The following CSMD1 variants were observed in gnomAD, a reference collection of about 807,000 sequenced individuals.
CSMD1 encodes CUB and sushi domain-containing protein 1.
In CSMD1, 213 loss-of-function variants were observed where a neutral mutation model predicts 417.5. The ratio of observed to expected loss-of-function variants is 0.51; its 90% CI spans 0.46 to 0.57. CSMD1 has a LOEUF of 0.57. CSMD1 is among the 20% of genes least tolerant of loss of function. CSMD1 has a pLI of 0.00. For missense variants in CSMD1, 6,923 were observed against 4,529.7 expected, an observed-to-expected ratio of 1.53 and a Z score of -15.17; for synonymous variants, 2,862 against 1,736.8, an observed-to-expected ratio of 1.65 and a Z score of -16.11.
At chr8:4,011,716 T>C (rs1816551214) in intron 4 of CSMD1, among the ~76,000 whole-genome samples, 2 of 152,166 alleles carry the variant, frequency 1.3e-5, no homozygotes, top group South Asian at 4.1e-4. Flanking sequence ...TGCAAAATAG[T>C]ACGGAGTTAT....
At chr8:4,986,775 T>C (rs2117457711) in intron 1 of CSMD1, among the ~76,000 whole-genome samples, 1 of 152,210 alleles carries the variant, frequency 6.6e-6, no homozygotes, top group South Asian at 2.1e-4. Flanking sequence ...ATAGAGGCAC[T>C]GATGATAAAG....
intron 3 of CSMD1, among the ~76,000 whole-genome samples, chr8:4,197,501 T>G (rs958391323): frequency 6.6e-6 from 1 of 152,218 alleles, no homozygotes; most frequent in Non-Finnish European, 1.5e-5. Context: ...ACTGACTCTC[T>G]GTCAAGTAAG....
chr8:3,355,353 A>G (rs1012223327), intron 21 of CSMD1, among the ~76,000 whole-genome samples: 2 of 152,186 alleles, frequency 1.3e-5, no homozygotes, highest in Non-Finnish European at 2.9e-5. Context: ...ATTTATCTCC[A>G]TCATATATAC....
intron 2 of CSMD1, among the ~76,000 whole-genome samples, chr8:4,509,678 C>T (rs1003473437): frequency 3.3e-5 from 5 of 152,172 alleles, no homozygotes; most frequent in South Asian, 4.1e-4. Flanking sequence ...ATAATAATCA[C>T]AGTCATGCTG....
intron 3 of CSMD1, among the ~76,000 whole-genome samples, chr8:4,284,870 G>T (rs1266768976): frequency 2.0e-5 from 3 of 152,084 alleles, no homozygotes; most frequent in African/African-American, 7.2e-5. Flanking sequence ...AAAAAAACTA[G>T]TTTAAAAAAC....
At chr8:3,199,281 G>C (rs1181549398) in intron 33 of CSMD1, among the ~76,000 whole-genome samples, 1 of 152,060 alleles carries the variant, frequency 6.6e-6, no homozygotes, top group African/African-American at 2.4e-5. Flanking sequence ...GTTTTGTTTT[G>C]TTAAATTTCC....
At chr8:4,454,191 G>T (rs1300599403) in intron 2 of CSMD1, among the ~76,000 whole-genome samples, 2 of 151,934 alleles carry the variant, frequency 1.3e-5, no homozygotes, top group Non-Finnish European at 2.9e-5. Flanking sequence ...ACCCCATTCT[G>T]CATTAAAACT....
intron 1 of CSMD1, among the ~76,000 whole-genome samples, chr8:4,738,105 A>G (rs1319130237): frequency 6.6e-6 from 1 of 152,216 alleles, no homozygotes; most frequent in African/African-American, 2.4e-5. Context: ...GACAACAGTA[A>G]AGACACACAC....
rs1220592456 is a variant in CSMD1 at position 4,920,216 on chromosome 8, T to C, written c.85+74116A>G. Among the ~76,000 whole-genome samples, 4 of 152,228 alleles carry C rather than the reference T, an allele frequency of 2.6e-5. No homozygotes were observed. In the East Asian group the frequency reaches 7.7e-4, roughly 29 times the overall value. ...TGCTAATGAACCAAACAGGACAGGA[T>C]CTTCACCCCCAAATCTACTCAGACT... On this transcript the variant is annotated intron_variant, in intron 1 of 69. Transcript: ENST00000635120.
At chr8:4,960,933 G>A (rs1809434095) in intron 1 of CSMD1, among the ~76,000 whole-genome samples, 1 of 152,078 alleles carries the variant, frequency 6.6e-6, no homozygotes, top group South Asian at 2.1e-4. Context: ...TGTTACTTCT[G>A]ATTTCACTGC....
intron 3 of CSMD1, among the ~76,000 whole-genome samples, chr8:4,261,099 G>T (rs960468798): frequency 7.9e-5 from 12 of 152,078 alleles, no homozygotes; most frequent in Non-Finnish European, 1.3e-4. Context: ...ATTTTTCTAT[G>T]TGTCATTTAC....
chr8:3,473,530 A>G (rs1817228557), intron 11 of CSMD1, among the ~76,000 whole-genome samples: 1 of 152,184 alleles, frequency 6.6e-6, no homozygotes, highest in Admixed American at 6.5e-5. Context: ...TAACACTGAG[A>G]TATTATTTCT....
In CSMD1 at chr8:3,631,483, G is replaced by T. The variant is rs1041073355; in HGVS notation, c.1010-14686C>A. Among the ~76,000 whole-genome samples, 9 of 152,188 alleles carry T rather than the reference G, an allele frequency of 5.9e-5. No individual in the cohort carries two copies. In the South Asian group the frequency reaches 1.9e-3, roughly 32 times the overall value. ...CAGATAAAACAACACAGAGGCTGAG[G>T]AGCAGGCAGATAGGCCGGGAATAGC... On this transcript the variant is annotated intron_variant, in intron 7 of 69. Coordinates refer to ENST00000635120, the MANE Select transcript of CSMD1 (RefSeq NM_033225.6).
Position 3,830,108 on chromosome 8 carries a change from A to C in CSMD1, c.819-76066T>G, listed in dbSNP as rs183478348. ...TTCTGTGCCCGTTTTCTTGACCCTA[A>C]AGTGAAGGAGAGTAATTTCTCTGAT... On this transcript the variant is annotated intron_variant, in intron 5 of 69. Coordinates refer to ENST00000635120, the MANE Select transcript of CSMD1 (RefSeq NM_033225.6). 3.3e-4 allele frequency among the ~76,000 whole-genome samples: 51 copies of C among 152,292 alleles called. 1 individual carries two copies. The East Asian group carries it at 7.5e-3, about 22-fold the overall frequency.
intron 6 of CSMD1, among the ~76,000 whole-genome samples, chr8:3,733,137 G>C (rs4289840): frequency 0.35 from 51,963 of 148,712 alleles, 9,283 homozygotes; most frequent in Non-Finnish European, 0.4. Flanking sequence ...AAAGAAGTTA[G>C]GAATTAGACT....
intron 21 of CSMD1, among the ~76,000 whole-genome samples, chr8:3,356,716 C>T (rs1001615682): frequency 6.6e-6 from 1 of 152,126 alleles, no homozygotes. Flanking sequence ...ATGGCAAAAA[C>T]CGCAATTACT....
chr8:4,236,456 A>C (rs1057474588), intron 3 of CSMD1, among the ~76,000 whole-genome samples: 37 of 152,156 alleles, frequency 2.4e-4, no homozygotes, highest in African/African-American at 8.4e-4. Context: ...GTGACATTTA[A>C]CAACAAACAC....
At chr8:3,451,472 C>A (rs1269577144) in intron 12 of CSMD1, among the ~76,000 whole-genome samples, 2 of 152,158 alleles carry the variant, frequency 1.3e-5, no homozygotes, top group East Asian at 3.9e-4. Flanking sequence ...GTGTCCAATT[C>A]ATCTTGAATT....
chr8:4,261,261 T>C (rs539428176), intron 3 of CSMD1, among the ~76,000 whole-genome samples: 244 of 152,280 alleles, frequency 1.6e-3, no homozygotes, highest in African/African-American at 5.3e-3. Flanking sequence ...AAAGAACGCC[T>C]GTTTTCTTCT....
Sources: allele counts gnomAD v4.1 joint callset (sites outside exome capture counted in the v4.1 genomes callset), GRCh38; gene constraint gnomAD v4.1.1; transcripts MANE v1.5; gene names NCBI Gene and HGNC (gene_info 2026-07-23, HGNC 2026-07-21).